ERBIN: variants seen among roughly 807,000 people sequenced by gnomAD.
The protein encoded by ERBIN is erbb2 interacting protein, also known as densin-180-like protein.
A neutral mutation model predicts 158.4 loss-of-function variants in ERBIN; 60 were observed. The ratio of observed to expected loss-of-function variants is 0.38; its 90% CI spans 0.31 to 0.47. The LOEUF is 0.47. Ranked by LOEUF, ERBIN falls within the 20% of genes least tolerant of loss-of-function variation. The pLI is 0.99. For missense variants in ERBIN, 1,610 were observed against 1,648.0 expected (o/e 0.98, Z 0.40); for synonymous variants, 594 against 557.2 (o/e 1.07, Z -0.93).
At chr5:65,944,145 CT>C (rs944401387) in intron 1 of ERBIN, among the ~76,000 whole-genome samples, 21 of 149,950 alleles carry the variant, frequency 1.4e-4, no homozygotes, top group African/African-American at 4.9e-4. Flanking sequence ...GCTTTCATTT[CT>C]TTTGGATATA....
chr5:65,995,247 C>A (rs1462154505), intron 4 of ERBIN, among the ~76,000 whole-genome samples: 2 of 152,122 alleles, frequency 1.3e-5, no homozygotes, highest in East Asian at 3.9e-4. Flanking sequence ...AAACTGAAAT[C>A]TTATACCCTT....
At chr5:66,044,478 T>G (rs1011667107) in intron 17 of ERBIN, among the ~76,000 whole-genome samples, 168 bp downstream of exon 17, 1 of 152,136 alleles carries the variant, frequency 6.6e-6, no homozygotes, top group African/African-American at 2.4e-5. Context: ...TATAAGAGTA[T>G]AAGGGGCTGG....
intron 2 of ERBIN, among the ~76,000 whole-genome samples, chr5:65,990,976 G>A (rs1234082326): frequency 6.6e-6 from 1 of 151,988 alleles, no homozygotes; most frequent in African/African-American, 2.4e-5. Context: ...GGCTGGTTTC[G>A]AACTCCTGAC....
intron 13 of ERBIN, 75 bp from the exon 14 acceptor site, chr5:66,028,199 T>A (rs1454007282): frequency 3.6e-6 from 4 of 1,123,528 alleles, no homozygotes; most frequent in Non-Finnish European, 5.1e-6. Flanking sequence ...TCAGAAAACC[T>A]TTAGGTTGAA....
chr5:65,962,504 G>A (rs917793592), intron 1 of ERBIN, among the ~76,000 whole-genome samples: 3 of 152,080 alleles, frequency 2.0e-5, no homozygotes, highest in South Asian at 2.1e-4. Flanking sequence ...CTAAATCTCC[G>A]TAGCTTTTTA....
intron 4 of ERBIN, among the ~76,000 whole-genome samples, chr5:66,003,444 G>T (rs1295087189): frequency 1.3e-5 from 2 of 152,176 alleles, no homozygotes; most frequent in Non-Finnish European, 2.9e-5. Flanking sequence ...ATGCTGTCAA[G>T]AAGTGGGGTA....
At chr5:65,980,417 G>A (rs1750526725) in intron 1 of ERBIN, among the ~76,000 whole-genome samples, 1 of 152,044 alleles carries the variant, frequency 6.6e-6, no homozygotes, top group African/African-American at 2.4e-5. Flanking sequence ...AACAAAGCAA[G>A]ACTCCGTCTC....
chr5:65,981,401 GAGA>G (rs1470728863), intron 1 of ERBIN, among the ~76,000 whole-genome samples: 1 of 152,058 alleles, frequency 6.6e-6, no homozygotes, highest in Non-Finnish European at 1.5e-5. Context: ...AGAAAATATA[GAGA>G]AGAAAGCAGA....
chr5:65,969,486 A>G (rs1405995157), intron 1 of ERBIN, among the ~76,000 whole-genome samples: 1 of 152,214 alleles, frequency 6.6e-6, no homozygotes, highest in Non-Finnish European at 1.5e-5. Context: ...AGAATCTGAG[A>G]TTGAAGAGGT....
intron 1 of ERBIN, among the ~76,000 whole-genome samples, chr5:65,965,382 GTTTTTTTTT>G (rs200847060): frequency 7.3e-5 from 7 of 96,054 alleles, no homozygotes; most frequent in Admixed American, 3.6e-4. Flanking sequence ...GTTTTTTGTT[GTTTTTTTTT>G]TTTTTTTTTT....
chr5:66,005,235 C>T (rs1561361580), intron 4 of ERBIN, among the ~76,000 whole-genome samples: 2 of 152,054 alleles, frequency 1.3e-5, no homozygotes, highest in Admixed American at 6.6e-5. Context: ...CAGTATATGA[C>T]GGATCGGATG....
chr5:65,989,768 T>C (rs997199461), intron 2 of ERBIN, among the ~76,000 whole-genome samples: 1 of 152,242 alleles, frequency 6.6e-6, no homozygotes, highest in Non-Finnish European at 1.5e-5. Context: ...TTATTTGATT[T>C]AGCTTTTAAT....
chr5:66,031,608 G>C (rs56916452), intron 14 of ERBIN, among the ~76,000 whole-genome samples: 1 of 152,184 alleles, frequency 6.6e-6, no homozygotes, highest in Admixed American at 6.5e-5. Context: ...GAGGTGGGAG[G>C]ATCTTTTGAG....
At chr5:66,041,770 T>C (rs1366724759) in intron 15 of ERBIN, among the ~76,000 whole-genome samples, 1 of 152,002 alleles carries the variant, frequency 6.6e-6, no homozygotes, top group Non-Finnish European at 1.5e-5. Flanking sequence ...AATTAAAAAA[T>C]AGACTTTGTT....
chr5:66,058,987 T>G (rs1308080412), intron 21 of ERBIN, among the ~76,000 whole-genome samples: 1 of 152,162 alleles, frequency 6.6e-6, no homozygotes, highest in Non-Finnish European at 1.5e-5. Context: ...CCAGCTTTGT[T>G]TTTTTTGGCT....
At chr5:65,977,103 G>T (rs1225780748) in intron 1 of ERBIN, among the ~76,000 whole-genome samples, 1 of 150,114 alleles carries the variant, frequency 6.7e-6, no homozygotes, top group South Asian at 2.1e-4. Context: ...CCGGGCAGAG[G>T]CGCCCCTCAC....
chr5:65,927,228 C>T (rs551105439), intron 1 of ERBIN, among the ~76,000 whole-genome samples: 6 of 152,084 alleles, frequency 3.9e-5, no homozygotes, highest in African/African-American at 7.2e-5. Context: ...GAGATGGCTG[C>T]CGCGTTTGTT....
Position 66,081,456 on chromosome 5 carries a change from A to G in ERBIN, c.*2926A>G, listed in dbSNP as rs1295715929. On this transcript the variant is annotated 3_prime_UTR_variant, in exon 26 of 26. Transcript: ENST00000284037. ...CACTTAAAAAATCCCATTAGCAGCT[A>G]TGTAATATTTTTATCAACCAACATT... is the stretch of plus-strand genomic sequence containing the variant. The G allele has an allele frequency of 1.3e-5, 2 of 152,126 alleles. No individual in the cohort carries two copies. The highest frequency in any genetic ancestry group is 2.9e-5 in the Non-Finnish European group (2 of 67,952). 9.4% of individuals were successfully genotyped at this position (152,126 alleles called of 1,614,324 possible).
chr5:65,954,646 A>T (rs16894588), intron 1 of ERBIN, among the ~76,000 whole-genome samples: 1 of 152,132 alleles, frequency 6.6e-6, no homozygotes. Context: ...CTTGATAAAT[A>T]TACTACAAAT....
Sources: gnomAD v4.1 joint callset for allele counts (sites outside exome capture counted in the v4.1 genomes callset) on GRCh38, gnomAD v4.1.1 for gene constraint, MANE v1.5 for transcripts, NCBI Gene and HGNC (gene_info 2026-07-23, HGNC 2026-07-21) for gene names.